ERN2: variants seen among roughly 807,000 people sequenced by gnomAD.
The protein encoded by ERN2 is serine/threonine-protein kinase/endoribonuclease IRE2.
Under a neutral mutation model 107.9 loss-of-function variants are expected in ERN2, and 111 were observed. The ratio of observed to expected loss-of-function variants is 1.03; its 90% CI spans 0.88 to 1.20. The LOEUF is 1.20. ERN2 is among the 50% of genes most tolerant of loss of function. ERN2 has a pLI of 0.00. For missense variants in ERN2, 1,225 were observed against 1,197.9 expected, an observed-to-expected ratio of 1.02 and a Z score of -0.33; for synonymous variants, 524 against 501.7, an observed-to-expected ratio of 1.04 and a Z score of -0.59.
chr16:23,691,562 C>T (rs1959598870), intron 19 of ERN2, 137 bp from the exon 20 acceptor site: 35 of 1,061,874 alleles, frequency 3.3e-5, no homozygotes, highest in South Asian at 9.7e-5. Context: ...CTCTGTGCCA[C>T]GCCTCTGTTA....
chr16:23,696,331 T>C (rs1009951969), intron 13 of ERN2, among the ~76,000 whole-genome samples: 3 of 151,722 alleles, frequency 2.0e-5, no homozygotes, highest in African/African-American at 7.3e-5. Flanking sequence ...TTTATTTCTC[T>C]CCCTCTTTCA....
chr16:23,694,888 C>A lies in ERN2; in HGVS notation c.1940G>T (p.Gly647Val). ...TCTGCCCAGGCCCTGGCTGTCAGGC[C>A]CGGTGATGAGAATATTTCCTGGCTT... ...DLKPGNILIT[G>V]PDSQGLGRVV... The change falls in exon 17 of 22, where the codon GGG (glycine) becomes GTG (valine). Residue 647 changes from glycine to valine, a missense_variant. Gly to Val is a moderately radical substitution (Grantham distance 109). Transcript: ENST00000256797. 6.2e-7 allele frequency: 1 copy of A among 1,614,174 alleles called. No homozygotes were observed. Among genetic ancestry groups the A allele is most frequent in the Non-Finnish European group, 8.5e-7 (1 of 1,180,038 alleles).
chr16:23,703,525 G>A (rs1051219723), intron 8 of ERN2, among the ~76,000 whole-genome samples: 5 of 152,096 alleles, frequency 3.3e-5, no homozygotes, highest in African/African-American at 1.2e-4. Context: ...AATATTCCAT[G>A]AATGGTCCAC....
rs1463737284 is a variant in ERN2 at position 23,695,104 on chromosome 16, C to G, written c.1815G>C (p.Pro605=). 2.5e-6 allele frequency: 4 copies of G among 1,614,036 alleles called. No homozygotes were observed. The highest frequency in any genetic ancestry group is 3.4e-6 in the Non-Finnish European group (4 of 1,179,958). ...RASLQEYVEN[P]DLDRGGLEPE... is the part of the protein sequence containing the mutation. ...GCTCCAGACCCCCGCGATCCAGGTC[C>G]GGGTTTTCTACGTACTGAGCAGCAG... The change falls in exon 16 of 22, where the codon CCG becomes CCC. Residue 605 remains proline (P), a synonymous_variant. Transcript: ENST00000256797.
chr16:23,710,287 C>T (rs774814039), intron 3 of ERN2, 43 bp from the exon 4 acceptor site: 10 of 1,535,480 alleles, frequency 6.5e-6, no homozygotes, highest in Middle Eastern at 3.4e-4. Context: ...GGTTCTTGCC[C>T]CCTGGTTTCA....
chr16:23,704,947 G>A lies in ERN2; in HGVS notation c.790C>T (p.Arg264Ter), dbSNP rs540505898. The A allele has an allele frequency of 2.7e-5, 43 of 1,613,816 alleles. No homozygotes were observed. The highest frequency in any genetic ancestry group is 2.6e-4 in the South Asian group (24 of 91,078). Residue 264 changes from arginine to a stop codon, truncating the protein, a stop_gained, in exon 8 of 22, where the codon CGA becomes TGA. Coordinates refer to ENST00000256797, the MANE Select transcript of ERN2 (RefSeq NM_033266.4). LOFTEE classifies it high-confidence loss of function. ...HFLALRWGHI[R>*]LPASGPRDTA... ...TCCCGGGGGCCTGAGGCAGGCAGTC[G>A]GATGTGGCCCCAGCGGAGGGCGAGG... is the stretch of plus-strand genomic sequence containing the variant.
chr16:23,703,789 T>C (rs978480937), intron 8 of ERN2, among the ~76,000 whole-genome samples: 24 of 152,334 alleles, frequency 1.6e-4, no homozygotes, highest in Admixed American at 3.3e-4. Context: ...TTCCTATTCA[T>C]TTTTTAGGTT....
In ERN2 at chr16:23,690,880, G is replaced by A. The variant is rs768797868; in HGVS notation, c.2732C>T (p.Pro911Leu). The change falls in exon 22 of 22, where the codon CCG (proline) becomes CTG (leucine). Residue 911 changes from proline (P) to leucine (L), a missense_variant. Pro to Leu is a moderately conservative substitution (Grantham distance 98). Coordinates refer to ENST00000256797, the MANE Select transcript of ERN2 (RefSeq NM_033266.4). Reference sequence around the variant, plus strand: ...TGGCCTCCTGGCCTCTGAGTCTGGCGGGTAGTAGGGCAGGAAGAGGCTCTC... The same window carrying A: ...TGGCCTCCTGGCCTCTGAGTCTGGCAGGTAGTAGGGCAGGAAGAGGCTCTC... The part of the protein sequence containing the change: ...ASESLFLPYY[P>L]PDSEARRPCP... The A allele has an allele frequency of 3.8e-5, 61 of 1,613,764 alleles. No individual in the cohort carries two copies. The highest frequency in any genetic ancestry group is 4.3e-5 in the Non-Finnish European group (51 of 1,180,044).
chr16:23,698,966 T>C (rs780891933), intron 13 of ERN2, among the ~76,000 whole-genome samples: 64 of 152,330 alleles, frequency 4.2e-4, no homozygotes, highest in Non-Finnish European at 4.6e-4. Context: ...ATGAGGACTT[T>C]GACAAGAATG....
Position 23,698,770 on chromosome 16 carries a change from T to C in ERN2, c.1525+1769A>G, listed in dbSNP as rs935384145. On this transcript the variant is annotated intron_variant, in intron 13 of 21. Coordinates refer to ENST00000256797, the MANE Select transcript of ERN2 (RefSeq NM_033266.4). ...ACCAGACTCATTTTTGTATTTTTAG[T>C]AGAGATGTGGTTTCACCATGTTAGC... Among the ~76,000 whole-genome samples the C allele has an allele frequency of 7.9e-5, 12 of 152,130 alleles. 1 individual carries two copies. Among genetic ancestry groups the C allele is most frequent in the African/African-American group, 2.9e-4 (12 of 41,420 alleles).
Position 23,695,126 on chromosome 16 carries a change from G to A in ERN2, c.1801-8C>T, listed in dbSNP as rs1251612998. On this transcript the variant is annotated splice_polypyrimidine_tract_variant and splice_region_variant and intron_variant, in intron 15 of 21. Coordinates refer to ENST00000256797, the MANE Select transcript of ERN2 (RefSeq NM_033266.4). ...GTCCGGGTTTTCTACGTACTGAGCA[G>A]CAGCAAGGGCCAAAGCATCACTCTC... The A allele has an allele frequency of 1.9e-6, 3 of 1,613,966 alleles. No individual in the cohort carries two copies. Among genetic ancestry groups the A allele is most frequent in the East Asian group, 2.2e-5 (1 of 44,872 alleles).
At chr16:23,691,938 G>A in intron 19 of ERN2, 25 bp downstream of exon 19, 2 of 1,605,474 alleles carry the variant, frequency 1.2e-6, no homozygotes. Context: ...ACTTTTGGGG[G>A]CCATTCCCAA....
Position 23,690,998 on chromosome 16 carries a change from C to G in ERN2, c.2614G>C (p.Gly872Arg). Residue 872 changes from glycine (G) to arginine (R), a missense_variant, in exon 22 of 22, where the codon GGC becomes CGC. Transcript: ENST00000256797. Reference sequence around the variant, plus strand: ...TGGACGAAGCCATCAGGGACTTGGCCGAGTGCCTGTCGCACCTCAACTGGG... The same window carrying G: ...TGGACGAAGCCATCAGGGACTTGGCGGAGTGCCTGTCGCACCTCAACTGGG... The part of the protein sequence containing the change: ...ELPVEVRQAL[G>R]QVPDGFVQYF... 1 of 1,614,166 alleles carries G rather than the reference C, an allele frequency of 6.2e-7. No individual in the cohort carries two copies.
intron 12 of ERN2, 66 bp downstream of exon 12, chr16:23,700,893 A>AGT: frequency 6.5e-7 from 1 of 1,548,532 alleles, no homozygotes; most frequent in Non-Finnish European, 8.8e-7. Context: ...AGAGTTGCTG[A>AGT]GTGGTCTCAG....
chr16:23,699,220 A>G (rs970655932), intron 13 of ERN2, among the ~76,000 whole-genome samples: 1 of 152,214 alleles, frequency 6.6e-6, no homozygotes, highest in African/African-American at 2.4e-5. Context: ...CTAAGGCACA[A>G]TGACCACAGA....
At chr16:23,709,824 T>A in intron 4 of ERN2, 1 of 206,676 alleles carries the variant, frequency 4.8e-6, no homozygotes, top group Non-Finnish European at 9.9e-6. Flanking sequence ...AATTCTGAGT[T>A]GAATAAATTT....
In ERN2 at chr16:23,695,208, A is replaced by G. The variant is rs1959758447; in HGVS notation, c.1792T>C (p.Leu598=). The G allele has an allele frequency of 6.2e-7, 1 of 1,614,006 alleles. No individual in the cohort carries two copies. The highest frequency in any genetic ancestry group is 8.5e-7 in the Non-Finnish European group (1 of 1,179,940). ...YIALELCRAS[L]QEYVENPDLD... ...ACCGCAATGCAACTCACCTCCTGCA[A>G]GGAGGCCCGGCAGAGCTCCAGGGCA... Residue 598 remains leucine (L), a synonymous_variant, in exon 15 of 22, where the codon TTG becomes CTG. Coordinates refer to ENST00000256797, the MANE Select transcript of ERN2 (RefSeq NM_033266.4).
rs1555469414 is a variant in ERN2, at chr16:23,713,213, C to T, written c.-26G>A. ...AGCGCCTGGGCAGCTGCACGGCTGGCCAGGTCCCTGGGTGCCTCCAAGGGA... is the reference window on the plus strand; with the variant it reads ...AGCGCCTGGGCAGCTGCACGGCTGGTCAGGTCCCTGGGTGCCTCCAAGGGA... On this transcript the variant is annotated 5_prime_UTR_variant, in exon 1 of 22. Coordinates refer to ENST00000256797, the MANE Select transcript of ERN2 (RefSeq NM_033266.4). The T allele has an allele frequency of 1.3e-6, 2 of 1,579,306 alleles. No homozygotes were observed. Among genetic ancestry groups the T allele is most frequent in the South Asian group, 2.3e-5 (2 of 87,324 alleles).
chr16:23,711,190 G>A (rs927098823), intron 1 of ERN2, among the ~76,000 whole-genome samples, 172 bp from the exon 2 acceptor site: 4 of 152,148 alleles, frequency 2.6e-5, no homozygotes, highest in African/African-American at 7.2e-5. Flanking sequence ...TGACCCTAGA[G>A]AAGGGTTATA....
Sources: gnomAD v4.1 joint callset for allele counts (sites outside exome capture counted in the v4.1 genomes callset) on GRCh38, gnomAD v4.1.1 for gene constraint, MANE v1.5 for transcripts, NCBI Gene and HGNC (gene_info 2026-07-23, HGNC 2026-07-21) for gene names.